Variants in GNAQ observed in about 807,000 individuals in gnomAD.
The protein encoded by GNAQ is guanine nucleotide-binding protein G(q) subunit alpha.
A neutral mutation model predicts 43.9 loss-of-function variants in GNAQ; 8 were observed. That is an observed-to-expected ratio of 0.18 (90% confidence interval 0.11 to 0.33). GNAQ has a LOEUF of 0.33. Ranked by LOEUF, GNAQ falls within the 10% of genes least tolerant of loss-of-function variation. The pLI is 1.00. For missense variants in GNAQ, 158 were observed against 450.8 expected (o/e 0.35, Z 5.88); for synonymous variants, 155 against 170.7 (o/e 0.91, Z 0.71).
intron 2 of GNAQ, among the ~76,000 whole-genome samples, chr9:77,918,162 C>T (rs1415429397): frequency 6.6e-6 from 1 of 152,102 alleles, no homozygotes; most frequent in African/African-American, 2.4e-5. Context: ...GAACACTTTC[C>T]CAGTTCAGAA....
chr9:78,005,962 G>C (rs1248658407), intron 1 of GNAQ, among the ~76,000 whole-genome samples: 2 of 152,180 alleles, frequency 1.3e-5, no homozygotes, highest in African/African-American at 4.8e-5. Flanking sequence ...TCTCCAAGTG[G>C]GGTCACATTT....
chr9:77,730,230 C>A (rs1380390727), intron 5 of GNAQ, among the ~76,000 whole-genome samples: 2 of 152,160 alleles, frequency 1.3e-5, no homozygotes, highest in African/African-American at 4.8e-5. Context: ...GTTGGTAAAC[C>A]TGGATATATC....
At chr9:77,846,262 T>C (rs1407753274) in intron 2 of GNAQ, among the ~76,000 whole-genome samples, 2 of 152,198 alleles carry the variant, frequency 1.3e-5, no homozygotes, top group Admixed American at 1.3e-4. Flanking sequence ...GTCAGGGCCC[T>C]CAATTCCACA....
At chr9:77,847,473 T>C (rs1255459508) in intron 2 of GNAQ, among the ~76,000 whole-genome samples, 1 of 151,886 alleles carries the variant, frequency 6.6e-6, no homozygotes, top group African/African-American at 2.4e-5. Context: ...GTGGGCAGAG[T>C]GCTGCCTTAC....
chr9:78,025,653 C>T (rs1823968974), intron 1 of GNAQ, among the ~76,000 whole-genome samples: 1 of 152,162 alleles, frequency 6.6e-6, no homozygotes, highest in Non-Finnish European at 1.5e-5. Flanking sequence ...TTCCCTCCAC[C>T]TTCTGAGGGA....
intron 1 of GNAQ, among the ~76,000 whole-genome samples, chr9:77,977,416 C>T (rs1823315727): frequency 6.6e-6 from 1 of 152,112 alleles, no homozygotes; most frequent in Admixed American, 6.5e-5. Flanking sequence ...CAACTATCCA[C>T]ACTTCCCAAG....
intron 1 of GNAQ, among the ~76,000 whole-genome samples, chr9:78,004,652 C>T (rs1823683772): frequency 6.6e-6 from 1 of 152,042 alleles, no homozygotes; most frequent in South Asian, 2.1e-4. Flanking sequence ...ATACCAATAC[C>T]TCCTGCACAT....
intron 5 of GNAQ, among the ~76,000 whole-genome samples, chr9:77,790,690 T>C (rs1826554139): frequency 6.6e-6 from 1 of 152,210 alleles, no homozygotes; most frequent in Non-Finnish European, 1.5e-5. Context: ...TAGCTCCTCT[T>C]GCTTTTTCTT....
At chr9:77,853,979 A>G (rs2117941898) in intron 2 of GNAQ, among the ~76,000 whole-genome samples, 1 of 152,274 alleles carries the variant, frequency 6.6e-6, no homozygotes, top group South Asian at 2.1e-4. Context: ...GCTATAGGAA[A>G]AAATGAGTTA....
intron 3 of GNAQ, among the ~76,000 whole-genome samples, chr9:77,801,492 T>C (rs1028406045): frequency 4.6e-5 from 7 of 152,198 alleles, no homozygotes; most frequent in Middle Eastern, 3.2e-3. Context: ...TTCACAGCAA[T>C]GAAATGGCCA....
intron 1 of GNAQ, among the ~76,000 whole-genome samples, chr9:78,028,529 C>A (rs1824010296): frequency 6.6e-6 from 1 of 152,188 alleles, no homozygotes; most frequent in African/African-American, 2.4e-5. Context: ...AACAAATCCT[C>A]TTCCATTAAA....
intron 2 of GNAQ, among the ~76,000 whole-genome samples, chr9:77,903,676 C>A (rs1828651041): frequency 6.6e-6 from 1 of 152,042 alleles, no homozygotes; most frequent in South Asian, 2.1e-4. Context: ...CTGACACTAG[C>A]ATTTCTAGTC....
At chr9:77,858,275 C>G (rs995257412) in intron 2 of GNAQ, among the ~76,000 whole-genome samples, 1 of 152,168 alleles carries the variant, frequency 6.6e-6, no homozygotes, top group African/African-American at 2.4e-5. Context: ...AGAGACAGGA[C>G]TTTGACCACA....
chr9:77,933,644 A>AT (rs936126344), intron 1 of GNAQ, among the ~76,000 whole-genome samples: 78 of 151,770 alleles, frequency 5.1e-4, no homozygotes, highest in Admixed American at 1.5e-3. Context: ...CTGTCTCAAA[A>AT]AAAAAAAGTG....
At chr9:77,731,922 A>G (rs1017991730) in intron 5 of GNAQ, among the ~76,000 whole-genome samples, 1 of 152,172 alleles carries the variant, frequency 6.6e-6, no homozygotes, top group Non-Finnish European at 1.5e-5. Flanking sequence ...ATGCTATGCT[A>G]TATGATGTTT....
intron 2 of GNAQ, among the ~76,000 whole-genome samples, chr9:77,908,213 A>G (rs1014518798): frequency 5.9e-5 from 9 of 151,964 alleles, no homozygotes; most frequent in African/African-American, 2.2e-4. Context: ...CCTTACAAAC[A>G]CCCTGCAGTC....
At chr9:77,819,029 A>AAC (rs1564120114) in intron 2 of GNAQ, among the ~76,000 whole-genome samples, 2 of 119,184 alleles carry the variant, frequency 1.7e-5, no homozygotes, top group African/African-American at 2.8e-5. Flanking sequence ...AAAAAAAAAA[A>AAC]CACCCAAAAA....
chr9:77,768,170 G>A (rs1826164566), intron 5 of GNAQ, among the ~76,000 whole-genome samples: 1 of 152,232 alleles, frequency 6.6e-6, no homozygotes, highest in East Asian at 1.9e-4. Flanking sequence ...TTGAATCCAC[G>A]CAGTCTGGCT....
intron 1 of GNAQ, among the ~76,000 whole-genome samples, chr9:78,020,024 T>C (rs1823888548): frequency 6.6e-6 from 1 of 151,600 alleles, no homozygotes; most frequent in East Asian, 1.9e-4. Flanking sequence ...GCCCAGAACA[T>C]GAAAAAGACA....
Sources: allele counts gnomAD v4.1 joint callset (sites outside exome capture counted in the v4.1 genomes callset), GRCh38; gene constraint gnomAD v4.1.1; transcripts MANE v1.5; gene names NCBI Gene and HGNC (gene_info 2026-07-23, HGNC 2026-07-21).